Variants in WDR70 observed in about 807,000 individuals in gnomAD.
The protein encoded by WDR70 is WD repeat domain 70.
A neutral mutation model predicts 88.6 loss-of-function variants in WDR70; 53 were observed. That is an observed-to-expected ratio of 0.60 (90% CI 0.48 to 0.75). WDR70 has a LOEUF of 0.75. WDR70 is among the 30% of genes least tolerant of loss of function. The pLI, the probability that WDR70 is intolerant of heterozygous loss-of-function variation, is 0.00. For synonymous variants in WDR70, 280 were observed against 270.0 expected (o/e 1.04, Z -0.36); for missense variants, 610 against 823.2 (o/e 0.74, Z 3.17).
At chr5:37,505,843 T>C in intron 8 of WDR70, 1 of 1,370,224 alleles carries the variant, frequency 7.3e-7, no homozygotes, top group Non-Finnish European at 1.0e-6. Flanking sequence ...CCTCTGAGGT[T>C]ACAATTCTTC....
intron 17 of WDR70, among the ~76,000 whole-genome samples, chr5:37,748,172 G>A (rs1049542931): frequency 3.3e-5 from 5 of 152,088 alleles, no homozygotes; most frequent in South Asian, 2.1e-4. Context: ...GAAGAACCCC[G>A]TATAGCCAAG....
chr5:37,552,321 A>G (rs1202805845), intron 9 of WDR70, among the ~76,000 whole-genome samples: 2 of 152,196 alleles, frequency 1.3e-5, no homozygotes, highest in Non-Finnish European at 2.9e-5. Context: ...AACATCTATC[A>G]TCTACTCCTT....
At chr5:37,484,400 T>C (rs367559437) in intron 8 of WDR70, among the ~76,000 whole-genome samples, 1 of 152,104 alleles carries the variant, frequency 6.6e-6, no homozygotes, top group Non-Finnish European at 1.5e-5. Flanking sequence ...CAAAAAAATA[T>C]GAAAACCAGT....
At chr5:37,486,878 A>G (rs1444797223) in intron 8 of WDR70, among the ~76,000 whole-genome samples, 5 of 151,688 alleles carry the variant, frequency 3.3e-5, no homozygotes, top group African/African-American at 1.2e-4. Context: ...TCTTTGTCAC[A>G]TGCATTGTTG....
intron 9 of WDR70, among the ~76,000 whole-genome samples, chr5:37,547,427 C>T (rs1259997277): frequency 6.6e-6 from 1 of 152,124 alleles, no homozygotes; most frequent in East Asian, 1.9e-4. Context: ...TGACTTACTA[C>T]ATGGCAAATT....
In WDR70 at chr5:37,708,991, G is replaced by GGCAC. The variant is rs575359343; in HGVS notation, c.1416+5905_1416+5908dup. 3.0e-4 allele frequency among the ~76,000 whole-genome samples: 46 copies of GGCAC among 152,250 alleles called. 2 individuals carry two copies. The South Asian group carries it at 9.3e-3, about 31-fold the overall frequency. ...TATAAAGTCCCAACTCAGGCAGAAT[G>GGCAC]GCACCTCCTTCTAAGTTTCTAGAAA... On this transcript the variant is annotated intron_variant, in intron 13 of 17. Coordinates refer to ENST00000265107, the MANE Select transcript of WDR70 (RefSeq NM_018034.4).
At chr5:37,465,310 T>C (rs1478338552) in intron 7 of WDR70, among the ~76,000 whole-genome samples, 1 of 152,184 alleles carries the variant, frequency 6.6e-6, no homozygotes, top group Non-Finnish European at 1.5e-5. Flanking sequence ...ATCTTGGACA[T>C]TGTAGTGAAA....
intron 3 of WDR70, among the ~76,000 whole-genome samples, chr5:37,388,568 C>T (rs1748704249): frequency 6.7e-6 from 1 of 149,004 alleles, no homozygotes; most frequent in African/African-American, 2.5e-5. Flanking sequence ...GGTGAAACCC[C>T]ATCTCTACTA....
intron 9 of WDR70, among the ~76,000 whole-genome samples, chr5:37,517,882 T>C (rs955944415): frequency 1.4e-5 from 2 of 147,606 alleles, no homozygotes; most frequent in African/African-American, 4.9e-5. Context: ...TATTATATAT[T>C]ATTTATTTAT....
At chr5:37,686,687 T>C (rs1746611449) in intron 10 of WDR70, among the ~76,000 whole-genome samples, 1 of 152,016 alleles carries the variant, frequency 6.6e-6, no homozygotes, top group African/African-American at 2.4e-5. Context: ...TATAATGTAA[T>C]GCATTTTGAA....
intron 9 of WDR70, among the ~76,000 whole-genome samples, chr5:37,532,926 G>C (rs1462051428): frequency 6.6e-6 from 1 of 152,192 alleles, no homozygotes; most frequent in Non-Finnish European, 1.5e-5. Context: ...CAAGGTGGCT[G>C]TTCAGATTCT....
intron 2 of WDR70, among the ~76,000 whole-genome samples, chr5:37,380,101 T>C (rs1748378568): frequency 6.6e-6 from 1 of 152,198 alleles, no homozygotes; most frequent in Non-Finnish European, 1.5e-5. Context: ...ATTTAAAAAA[T>C]GAAAACAAAA....
chr5:37,475,044 G>A lies in WDR70; in HGVS notation c.687-4790G>A, dbSNP rs547105183. ...AGTGATTTTCACGCCTGAGCCTCCC[G>A]AGTAGCTGGGATTACAAGCGTGCGC... On this transcript the variant is annotated intron_variant, in intron 7 of 17. Coordinates refer to ENST00000265107, the MANE Select transcript of WDR70 (RefSeq NM_018034.4). 4.0e-5 allele frequency among the ~76,000 whole-genome samples: 6 copies of A among 150,462 alleles called. No homozygotes were observed. The South Asian group carries it at 6.3e-4, about 16-fold the overall frequency.
intron 9 of WDR70, among the ~76,000 whole-genome samples, chr5:37,566,998 C>T (rs1273415306): frequency 1.2e-4 from 18 of 152,162 alleles, no homozygotes; most frequent in Admixed American, 1.2e-3. Context: ...GAAGTCAGAA[C>T]CTGGGGTCTC....
intron 8 of WDR70, among the ~76,000 whole-genome samples, chr5:37,486,861 C>T (rs1030439788): frequency 2.0e-5 from 3 of 151,022 alleles, no homozygotes; most frequent in Admixed American, 6.6e-5. Context: ...CAGTGTTGGA[C>T]ATTAGATCTT....
At chr5:37,424,165 A>C (rs1421790989) in intron 5 of WDR70, among the ~76,000 whole-genome samples, 1 of 149,992 alleles carries the variant, frequency 6.7e-6, no homozygotes, top group Non-Finnish European at 1.5e-5. Context: ...AAAAAAAAAA[A>C]AAAAAAACAA....
chr5:37,606,615 T>C (rs1190133186), intron 10 of WDR70, among the ~76,000 whole-genome samples: 1 of 152,224 alleles, frequency 6.6e-6, no homozygotes, highest in Non-Finnish European at 1.5e-5. Flanking sequence ...TTTTCAGTTT[T>C]GTAGAAAGAA....
chr5:37,743,731 A>G (rs1427415645), intron 17 of WDR70, among the ~76,000 whole-genome samples: 1 of 152,144 alleles, frequency 6.6e-6, no homozygotes, highest in African/African-American at 2.4e-5. Context: ...ATGATCTCCA[A>G]TAACTCCAGC....
chr5:37,713,938 T>G (rs1747584953), intron 13 of WDR70, among the ~76,000 whole-genome samples: 1 of 152,222 alleles, frequency 6.6e-6, no homozygotes, highest in Non-Finnish European at 1.5e-5. Context: ...ACTTTCACAA[T>G]TATATATAGT....
Sources: allele counts gnomAD v4.1 joint callset (sites outside exome capture counted in the v4.1 genomes callset), GRCh38; gene constraint gnomAD v4.1.1; transcripts MANE v1.5; gene names NCBI Gene and HGNC (gene_info 2026-07-23, HGNC 2026-07-21).